The following AKAP7 variants were observed in gnomAD, a reference collection of about 807,000 sequenced individuals.
AKAP7 encodes the protein A-kinase anchoring protein 7.
Under a neutral mutation model 39.5 loss-of-function variants are expected in AKAP7, and 39 were observed. The observed-to-expected ratio is 0.99, with a 90% CI of 0.76 to 1.29. The LOEUF is 1.29. Among genes scored for constraint, AKAP7 ranks in the 50% most tolerant of loss-of-function variants. The pLI is 0.00. For synonymous variants in AKAP7, 140 were observed against 139.1 expected, an observed-to-expected ratio of 1.01 and a Z score of -0.05; for missense variants, 414 against 407.7, an observed-to-expected ratio of 1.02 and a Z score of -0.13.
At chr6:131,239,924 G>A (rs1025272860) in intron 7 of AKAP7, among the ~76,000 whole-genome samples, 1 of 152,182 alleles carries the variant, frequency 6.6e-6, no homozygotes, top group African/African-American at 2.4e-5. Flanking sequence ...GTCATTCTCT[G>A]TCCAGCTTTG....
chr6:131,127,733 C>A, the AKAP7 span, among the ~76,000 whole-genome samples: 1 of 152,280 alleles, frequency 6.6e-6, no homozygotes, highest in African/African-American at 2.4e-5. Flanking sequence ...CATATATATT[C>A]ATTGCAGCAC....
chr6:131,226,524 T>C (rs1202993041), intron 7 of AKAP7, among the ~76,000 whole-genome samples: 2 of 152,216 alleles, frequency 1.3e-5, no homozygotes, highest in African/African-American at 2.4e-5. Context: ...GAATGAAATA[T>C]GATTCAGATA....
At chr6:131,168,893 T>G (rs1410145224) in intron 4 of AKAP7, among the ~76,000 whole-genome samples, 1 of 152,176 alleles carries the variant, frequency 6.6e-6, no homozygotes, top group Non-Finnish European at 1.5e-5. Flanking sequence ...TCTTTAATAG[T>G]GATTATAATT....
At chr6:131,155,040 G>A (rs1802299370) in intron 2 of AKAP7, among the ~76,000 whole-genome samples, 1 of 150,328 alleles carries the variant, frequency 6.7e-6, no homozygotes, top group Admixed American at 6.6e-5. Context: ...TTCTTTCTGA[G>A]AGACAGGGCC....
chr6:131,244,139 TCTAGAATAAGTGA>T (rs1811817729), intron 7 of AKAP7, among the ~76,000 whole-genome samples: 1 of 152,104 alleles, frequency 6.6e-6, no homozygotes, highest in Non-Finnish European at 1.5e-5. Flanking sequence ...ACAGTATCTG[TCTAGAATAAGTGA>T]CTGTTATTGG....
chr6:131,157,167 A>G (rs1166934149), intron 2 of AKAP7, among the ~76,000 whole-genome samples: 2 of 152,204 alleles, frequency 1.3e-5, no homozygotes, highest in African/African-American at 2.4e-5. Flanking sequence ...ATAGCTAATA[A>G]TAGTGTTTAC....
chr6:131,225,167 A>T (rs1810057979), intron 7 of AKAP7, among the ~76,000 whole-genome samples: 1 of 152,080 alleles, frequency 6.6e-6, no homozygotes, highest in African/African-American at 2.4e-5. Flanking sequence ...AGTTCTTTTC[A>T]TATTTAAAAA....
rs1815214962 is a variant in AKAP7 at position 131,281,740 on chromosome 6, G to GC, written c.*19dup. 1.3e-6 allele frequency: 2 copies of GC among 1,583,424 alleles called. No individual in the cohort carries two copies. Among genetic ancestry groups the GC allele is most frequent in the African/African-American group, 1.3e-5 (1 of 74,230 alleles). ...AACAGGAAATGAGCCCGGAACGCAG[G>GC]CCCCCATGTCTCTGTGCAAAGCCTC... is the stretch of plus-strand genomic sequence containing the variant. On this transcript the variant is annotated 3_prime_UTR_variant, in exon 8 of 8. Coordinates refer to ENST00000431975, the MANE Select transcript of AKAP7 (RefSeq NM_016377.4). The surrounding 1 kb of genome is among the most constrained non-coding windows in gnomAD (Gnocchi z 4.0).
chr6:131,130,318 T>C, the AKAP7 span, among the ~76,000 whole-genome samples: 35 of 152,214 alleles, frequency 2.3e-4, no homozygotes, highest in African/African-American at 8.4e-4. Context: ...TTTCTCTTTT[T>C]TTGAGATGGA....
chr6:131,169,043 T>G, intron 4 of AKAP7, 70 bp from the exon 5 acceptor site: 3 of 1,328,070 alleles, frequency 2.3e-6, no homozygotes, highest in Non-Finnish European at 3.1e-6. Context: ...AACTGGTACT[T>G]TGTATCTTAT....
At chr6:131,219,868 T>C in intron 7 of AKAP7, 60 bp downstream of exon 7, 1 of 1,184,154 alleles carries the variant, frequency 8.4e-7, no homozygotes, top group Non-Finnish European at 1.1e-6. Flanking sequence ...GCATCACTTT[T>C]ATCTTGGCAA....
intron 2 of AKAP7, among the ~76,000 whole-genome samples, chr6:131,154,056 A>C (rs1033612222): frequency 6.6e-6 from 1 of 152,042 alleles, no homozygotes; most frequent in Admixed American, 6.6e-5. Context: ...CTAAAAATAC[A>C]AAAAATTAGC....
chr6:131,249,103 A>G (rs977696728), intron 7 of AKAP7, among the ~76,000 whole-genome samples: 5 of 152,184 alleles, frequency 3.3e-5, no homozygotes, highest in Admixed American at 2.6e-4. Context: ...CATTAATTTT[A>G]ATTATGTGGA....
intron 6 of AKAP7, among the ~76,000 whole-genome samples, chr6:131,217,319 T>A (rs1809277460): frequency 6.6e-6 from 1 of 152,130 alleles, no homozygotes. Flanking sequence ...TTTTTTTTAG[T>A]ATGAAAGAAA....
chr6:131,228,556 A>G (rs1401389095), intron 7 of AKAP7, among the ~76,000 whole-genome samples: 2 of 151,974 alleles, frequency 1.3e-5, no homozygotes, highest in Non-Finnish European at 2.9e-5. Flanking sequence ...GGGTCTCCCT[A>G]TGTCCAGGCT....
chr6:131,231,830 G>A (rs929181609), intron 7 of AKAP7, among the ~76,000 whole-genome samples: 1 of 152,036 alleles, frequency 6.6e-6, no homozygotes, highest in Non-Finnish European at 1.5e-5. Context: ...GTTTCTTTTT[G>A]CATCCTAAGT....
chr6:131,240,882 C>T (rs1811493044), intron 7 of AKAP7, among the ~76,000 whole-genome samples: 1 of 152,132 alleles, frequency 6.6e-6, no homozygotes, highest in Admixed American at 6.5e-5. Flanking sequence ...TGCCCTGCTT[C>T]AGCTCACGCT....
chr6:131,160,620 T>C (rs1241914141), intron 3 of AKAP7, among the ~76,000 whole-genome samples: 1 of 152,232 alleles, frequency 6.6e-6, no homozygotes, highest in East Asian at 1.9e-4. Context: ...CTGAGGGAAC[T>C]TTTGGAAGTA....
At chr6:131,144,627 C>T (rs1289031547) in intron 1 of AKAP7, among the ~76,000 whole-genome samples, 1 of 152,086 alleles carries the variant, frequency 6.6e-6, no homozygotes, top group Non-Finnish European at 1.5e-5. Context: ...CTTACCTCCA[C>T]CCAAGGTATA....
Sources: gnomAD v4.1 joint callset for allele counts (sites outside exome capture counted in the v4.1 genomes callset) on GRCh38, gnomAD v4.1.1 for gene constraint, Gnocchi (gnomAD v3.1) non-coding constraint, MANE v1.5 for transcripts, NCBI Gene and HGNC (gene_info 2026-07-23, HGNC 2026-07-21) for gene names.